The following MED12L variants were observed in gnomAD, a reference collection of about 807,000 sequenced individuals.
The protein encoded by MED12L is mediator complex subunit 12L, also known as mediator of RNA polymerase II transcription subunit 12-like protein.
In MED12L, 60 loss-of-function variants were observed where a neutral mutation model predicts 281.3. That is an observed-to-expected ratio of 0.21 (90% CI 0.17 to 0.26). The LOEUF (loss-of-function observed/expected upper bound fraction) is 0.26. Ranked by LOEUF, MED12L falls within the 10% of genes least tolerant of loss-of-function variation. MED12L has a pLI of 1.00. For missense variants in MED12L, 2,146 were observed against 2,680.9 expected, an observed-to-expected ratio of 0.80 and a Z score of 4.41; for synonymous variants, 974 against 987.2, an observed-to-expected ratio of 0.99 and a Z score of 0.25.
At chr3:151,169,102 CTTTGTTTTTTTTTTTT>C (rs1479487459) in intron 11 of MED12L, among the ~76,000 whole-genome samples, 47 of 134,530 alleles carry the variant, frequency 3.5e-4, no homozygotes, top group Middle Eastern at 4.1e-3. Context: ...TTTTCTTTTT[CTTTGTTTTTTTTTTTT>C]TTTGTTTTTT....
At chr3:151,298,872 C>G (rs1025029199) in intron 16 of MED12L, among the ~76,000 whole-genome samples, 1 of 152,114 alleles carries the variant, frequency 6.6e-6, no homozygotes, top group Non-Finnish European at 1.5e-5. Context: ...TCAAGTTTCC[C>G]GGTAACCACA....
chr3:151,387,784 T>G (rs200088931), intron 36 of MED12L, 26 bp from the exon 37 acceptor site: 1 of 1,574,938 alleles, frequency 6.3e-7, no homozygotes, highest in African/African-American at 1.4e-5. Flanking sequence ...CTGAGTGTGC[T>G]ATCTTAGAGC....
At chr3:151,153,564 CTTTTTTT>C (rs1177653143) in intron 5 of MED12L, among the ~76,000 whole-genome samples, 4 of 94,268 alleles carry the variant, frequency 4.2e-5, no homozygotes, top group South Asian at 7.3e-4. Context: ...TGTTTTCTTT[CTTTTTTT>C]TTTTTTTTTT....
intron 11 of MED12L, among the ~76,000 whole-genome samples, chr3:151,169,797 A>G (rs1721199160): frequency 6.6e-6 from 1 of 152,166 alleles, no homozygotes; most frequent in South Asian, 2.1e-4. Flanking sequence ...TTCATAATTC[A>G]TTCAGGATTT....
rs532911818 is a variant in MED12L at position 151,095,752 on chromosome 3, A to G, written c.99+8727A>G. 1.8e-4 allele frequency among the ~76,000 whole-genome samples: 27 copies of G among 152,112 alleles called. No individual in the cohort carries two copies. In the East Asian group the frequency reaches 3.1e-3, roughly 17 times the overall value. ...CTTTTTTTTCTTTTTTTTTAAAGCCAGATCCTAGCAAGGCTCAGTGGTGCA... is the reference window on the plus strand; with the variant it reads ...CTTTTTTTTCTTTTTTTTTAAAGCCGGATCCTAGCAAGGCTCAGTGGTGCA... On this transcript the variant is annotated intron_variant, in intron 2 of 44. Coordinates refer to ENST00000687756, the MANE Select transcript of MED12L (RefSeq NM_001393769.1).
At chr3:151,107,547 A>G (rs1722226319) in intron 2 of MED12L, among the ~76,000 whole-genome samples, 2 of 152,216 alleles carry the variant, frequency 1.3e-5, no homozygotes, top group Non-Finnish European at 2.9e-5. Context: ...GGCTTGAAAA[A>G]TATAAAATAT....
chr3:151,351,379 T>C (rs1320899788), intron 17 of MED12L, among the ~76,000 whole-genome samples: 1 of 152,228 alleles, frequency 6.6e-6, no homozygotes, highest in Non-Finnish European at 1.5e-5. Flanking sequence ...TCCTTCCTGT[T>C]ATTCACATCA....
intron 5 of MED12L, among the ~76,000 whole-genome samples, chr3:151,154,340 A>G (rs1718971394): frequency 6.6e-6 from 1 of 152,214 alleles, no homozygotes; most frequent in Admixed American, 6.5e-5. Context: ...CGTTTTTAAA[A>G]AAGATATGCA....
intron 42 of MED12L, among the ~76,000 whole-genome samples, chr3:151,416,092 G>A (rs1450653712): frequency 3.9e-5 from 6 of 152,186 alleles, no homozygotes; most frequent in East Asian, 1.9e-4. Flanking sequence ...GAAGAGATCC[G>A]TAGGGTTGGG....
At chr3:151,381,402 G>A (rs1712313442) in intron 32 of MED12L, among the ~76,000 whole-genome samples, 1 of 152,188 alleles carries the variant, frequency 6.6e-6, no homozygotes, top group Non-Finnish European at 1.5e-5. Flanking sequence ...GATAAGGCCA[G>A]ACATGATTTG....
At chr3:151,248,174 A>G (rs1736117972) in intron 16 of MED12L, among the ~76,000 whole-genome samples, 1 of 152,070 alleles carries the variant, frequency 6.6e-6, no homozygotes, top group Admixed American at 6.6e-5. Context: ...TTTAACGCTC[A>G]GAGGAAGCAA....
chr3:151,424,817 G>A (rs1361890848), intron 43 of MED12L, among the ~76,000 whole-genome samples: 1 of 152,152 alleles, frequency 6.6e-6, no homozygotes, highest in Non-Finnish European at 1.5e-5. Context: ...TCCTTCCGCT[G>A]CCGCTTGTAG....
Position 151,086,868 on chromosome 3 carries a change from T to C in MED12L, c.-59T>C. 1 of 1,401,504 alleles carries C rather than the reference T, an allele frequency of 7.1e-7. No individual in the cohort carries two copies. The highest frequency in any genetic ancestry group is 9.8e-7 in the Non-Finnish European group (1 of 1,024,242). 86.8% of individuals were successfully genotyped at this position (1,401,504 alleles called of 1,614,324 possible). A position where few individuals can be genotyped will look rare whatever the true frequency, so the allele number is the denominator to read the frequency against. ...TCTGCAAAGTGCTGCTCCCTGGTGC[T>C]CAGAGGCGGCTGCTCCAGCTCCAAC... On this transcript the variant is annotated 5_prime_UTR_variant, in exon 2 of 45. Transcript: ENST00000687756.
chr3:151,327,929 T>A, intron 16 of MED12L: 1 of 1,202,206 alleles, frequency 8.3e-7, no homozygotes, highest in East Asian at 2.4e-5. Flanking sequence ...TGGTTAAATT[T>A]GATTTCCACA....
At chr3:151,377,422 A>C (rs1756977559) in intron 30 of MED12L, among the ~76,000 whole-genome samples, 1 of 152,226 alleles carries the variant, frequency 6.6e-6, no homozygotes, top group Non-Finnish European at 1.5e-5. Context: ...TCATGCTTTC[A>C]GTGTCCCTTA....
chr3:151,331,397 C>A (rs535867253), intron 16 of MED12L, among the ~76,000 whole-genome samples: 19 of 152,300 alleles, frequency 1.2e-4, no homozygotes, highest in Admixed American at 5.9e-4. Context: ...TGACCTTAGG[C>A]AAGCTGCTTA....
At position 151,311,661 on chromosome 3, in the gene MED12L, A is replaced by G. The variant is rs936777511; in HGVS notation, c.2251-38398A>G. On this transcript the variant is annotated intron_variant, in intron 16 of 44. Transcript: ENST00000687756. ...GTAGCTGCGATTATTTAAGGATTGC[A>G]TATTACTTTGAGCCACATTCTACTT... Among the ~76,000 whole-genome samples the G allele has an allele frequency of 3.3e-5, 5 of 152,328 alleles. No homozygotes were observed. The South Asian group carries it at 6.2e-4, about 19-fold the overall frequency.
chr3:151,255,718 CAGCATAG>C (rs1480980966), intron 16 of MED12L, among the ~76,000 whole-genome samples: 4 of 152,128 alleles, frequency 2.6e-5, no homozygotes, highest in Non-Finnish European at 5.9e-5. Flanking sequence ...TTGTTTACTC[CAGCATAG>C]AGACAAAGTC....
At chr3:151,346,327 G>C (rs1225374390) in intron 16 of MED12L, among the ~76,000 whole-genome samples, 2 of 152,082 alleles carry the variant, frequency 1.3e-5, no homozygotes, top group Non-Finnish European at 2.9e-5. Context: ...TTATTTGAAA[G>C]ATAGGTCTGA....
Sources: allele counts gnomAD v4.1 joint callset (sites outside exome capture counted in the v4.1 genomes callset), GRCh38; gene constraint gnomAD v4.1.1; transcripts MANE v1.5; gene names NCBI Gene and HGNC (gene_info 2026-07-23, HGNC 2026-07-21).